Variants in STRN3 observed in about 807,000 individuals in gnomAD.
The protein encoded by STRN3 is striatin-3.
STRN3 carries 29 observed loss-of-function variants against 95.6 expected under a neutral mutation model. The ratio of observed to expected loss-of-function variants is 0.30; its 90% confidence interval spans 0.23 to 0.41. The LOEUF is 0.41. STRN3 is among the 10% of genes least tolerant of loss of function. The pLI is 1.00. For synonymous variants in STRN3, 331 were observed against 357.6 expected (o/e 0.93, Z 0.84); for missense variants, 890 against 972.1 (o/e 0.92, Z 1.12).
At chr14:30,931,029 G>A (rs1878510671) in intron 7 of STRN3, among the ~76,000 whole-genome samples, 2 of 152,010 alleles carry the variant, frequency 1.3e-5, no homozygotes, top group South Asian at 4.1e-4. Context: ...CCTGTGTAGA[G>A]AGAATAAAAC....
intron 1 of STRN3, among the ~76,000 whole-genome samples, chr14:30,994,129 G>A (rs1302408231): frequency 6.6e-6 from 1 of 151,988 alleles, no homozygotes; most frequent in Admixed American, 6.6e-5. Flanking sequence ...GCCCGCCTCG[G>A]CCTCCCAAAG....
At position 30,918,117 on chromosome 14, in the gene STRN3, C is replaced by T. The variant is rs910862997; in HGVS notation, c.1240+849G>A. Among the ~76,000 whole-genome samples, 7 of 152,148 alleles carry T rather than the reference C, an allele frequency of 4.6e-5. No homozygotes were observed. The East Asian group carries it at 7.7e-4, about 17-fold the overall frequency. On this transcript the variant is annotated intron_variant, in intron 9 of 17. Coordinates refer to ENST00000357479, the MANE Select transcript of STRN3 (RefSeq NM_001083893.2). ...TTTTATAAAATTCATTACTAGGTAG[C>T]GTATACTTGCTACCAAGTTAAAGAA...
chr14:30,918,513 A>G (rs201506527), intron 9 of STRN3, among the ~76,000 whole-genome samples: 43 of 81,790 alleles, frequency 5.3e-4, no homozygotes, highest in African/African-American at 1.5e-3. Context: ...TGTCTCAAGG[A>G]AAAAAAAAGA....
intron 1 of STRN3, among the ~76,000 whole-genome samples, chr14:30,958,512 A>G (rs1403697558): frequency 6.6e-6 from 1 of 152,232 alleles, no homozygotes; most frequent in Admixed American, 6.5e-5. Context: ...TACACTTTTA[A>G]GTAAGATTCT....
chr14:30,946,955 G>A (rs1879390620), intron 5 of STRN3, 135 bp downstream of exon 5: 2 of 551,146 alleles, frequency 3.6e-6, no homozygotes, highest in East Asian at 7.5e-5. Context: ...CTCCAGCTTG[G>A]GCGACAAGAG....
chr14:30,945,173 T>C (rs1169774162), intron 5 of STRN3, among the ~76,000 whole-genome samples: 1 of 152,210 alleles, frequency 6.6e-6, no homozygotes, highest in Non-Finnish European at 1.5e-5. Flanking sequence ...CAAGTGTTGA[T>C]GAGGATGTGG....
intron 1 of STRN3, among the ~76,000 whole-genome samples, chr14:31,002,179 AAAAAAAAAAC>A (rs1321923057): frequency 1.4e-5 from 2 of 142,198 alleles, no homozygotes; most frequent in Non-Finnish European, 3.0e-5. Flanking sequence ...AAAAAAAAAA[AAAAAAAAAAC>A]AAGGCCAGGC....
At chr14:30,953,048 C>T (rs956144225) in intron 3 of STRN3, among the ~76,000 whole-genome samples, 2 of 152,158 alleles carry the variant, frequency 1.3e-5, no homozygotes, top group African/African-American at 4.8e-5. Context: ...CTTGAACATT[C>T]TCTGTATGGC....
intron 5 of STRN3, among the ~76,000 whole-genome samples, chr14:30,945,613 A>G (rs986140043): frequency 6.6e-6 from 1 of 152,180 alleles, no homozygotes; most frequent in African/African-American, 2.4e-5. Flanking sequence ...CTCAAAAATA[A>G]TAATAATAAA....
At chr14:31,021,383 T>A (rs179732) in intron 1 of STRN3, among the ~76,000 whole-genome samples, 3 of 152,046 alleles carry the variant, frequency 2.0e-5, no homozygotes, top group Admixed American at 1.3e-4. Flanking sequence ...TCAGAAAAAA[T>A]AAAAAAAAGA....
intron 1 of STRN3, among the ~76,000 whole-genome samples, chr14:30,965,348 C>A (rs1305093151): frequency 7.2e-5 from 11 of 152,108 alleles, no homozygotes; most frequent in Admixed American, 7.2e-4. Context: ...GTCCTATTTA[C>A]CCCAGTTAAT....
chr14:30,959,351 C>A (rs1030374376), intron 1 of STRN3, among the ~76,000 whole-genome samples: 34 of 151,894 alleles, frequency 2.2e-4, no homozygotes, highest in African/African-American at 7.7e-4. Flanking sequence ...AAAACAAACA[C>A]CACCACCACC....
chr14:30,984,690 A>G (rs1450433536), intron 1 of STRN3, among the ~76,000 whole-genome samples: 1 of 151,966 alleles, frequency 6.6e-6, no homozygotes, highest in African/African-American at 2.4e-5. Context: ...AGGCAGGAGA[A>G]TCACTTGAAA....
At chr14:31,009,084 C>CA (rs1159676504) in intron 1 of STRN3, among the ~76,000 whole-genome samples, 3 of 151,652 alleles carry the variant, frequency 2.0e-5, no homozygotes, top group Admixed American at 6.6e-5. Context: ...TATAAACACA[C>CA]AAAAAAATGT....
intron 5 of STRN3, among the ~76,000 whole-genome samples, chr14:30,937,251 C>T (rs1878868795): frequency 1.3e-5 from 2 of 152,186 alleles, no homozygotes; most frequent in East Asian, 3.9e-4. Context: ...GAGGTTGAGG[C>T]TGCAGTGAGC....
intron 7 of STRN3, among the ~76,000 whole-genome samples, chr14:30,929,674 G>A (rs1302419832): frequency 6.6e-6 from 1 of 151,916 alleles, no homozygotes; most frequent in Non-Finnish European, 1.5e-5. Context: ...AAAAGCAAAT[G>A]AATGAAATAC....
At chr14:30,905,688 A>G (rs1249700389) in intron 14 of STRN3, 130 bp from the exon 15 acceptor site, 17 of 938,486 alleles carry the variant, frequency 1.8e-5, no homozygotes, top group Admixed American at 1.3e-4. Context: ...TAATAATGAA[A>G]AGGAACACAA....
chr14:30,916,297 T>C (rs1226687958), intron 9 of STRN3, among the ~76,000 whole-genome samples: 2 of 151,600 alleles, frequency 1.3e-5, no homozygotes, highest in East Asian at 1.9e-4. Context: ...TTTTTTTTTT[T>C]GAAGTCTTGC....
chr14:30,929,121 T>A (rs1016371351), intron 8 of STRN3, 80 bp downstream of exon 8: 29 of 1,219,828 alleles, frequency 2.4e-5, no homozygotes, highest in Non-Finnish European at 3.3e-5. Flanking sequence ...AAAATTAAGT[T>A]ACACAAAGAA....
Sources: allele counts gnomAD v4.1 joint callset (sites outside exome capture counted in the v4.1 genomes callset), GRCh38; gene constraint gnomAD v4.1.1; transcripts MANE v1.5; gene names NCBI Gene and HGNC (gene_info 2026-07-23, HGNC 2026-07-21).